RMDN2: variants seen among roughly 807,000 people sequenced by gnomAD.
The protein encoded by RMDN2 is regulator of microtubule dynamics 2.
In RMDN2, 61 loss-of-function variants were observed where a neutral mutation model predicts 52.8. The ratio of observed to expected loss-of-function variants is 1.16; its 90% CI spans 0.94 to 1.43. RMDN2 has a LOEUF of 1.43. Among genes scored for constraint, RMDN2 ranks in the 40% most tolerant of loss-of-function variants. The pLI, the probability that RMDN2 is intolerant of heterozygous loss-of-function variation, is 0.00. For missense variants in RMDN2, 592 were observed against 475.3 expected, an observed-to-expected ratio of 1.25 and a Z score of -2.28; for synonymous variants, 180 against 153.1, an observed-to-expected ratio of 1.18 and a Z score of -1.30.
intron 10 of RMDN2, among the ~76,000 whole-genome samples, chr2:38,041,161 G>A (rs1222974480): frequency 6.6e-6 from 1 of 152,012 alleles, no homozygotes; most frequent in African/African-American, 2.4e-5. Context: ...ATCTGACTCG[G>A]GATGTCAAGG....
At chr2:37,934,314 T>C (rs953900688) in intron 2 of RMDN2, among the ~76,000 whole-genome samples, 1 of 152,234 alleles carries the variant, frequency 6.6e-6, no homozygotes, top group Non-Finnish European at 1.5e-5. Context: ...TCTTGTATTC[T>C]GTCTCTTAGT....
intron 10 of RMDN2, among the ~76,000 whole-genome samples, chr2:38,011,751 A>G (rs1159215207): frequency 1.3e-5 from 2 of 152,240 alleles, no homozygotes; most frequent in Non-Finnish European, 2.9e-5. Flanking sequence ...AGACTTTGAA[A>G]GATCTGTATA....
intron 10 of RMDN2, among the ~76,000 whole-genome samples, chr2:38,038,458 C>G (rs747117013): frequency 9.2e-5 from 14 of 152,204 alleles, no homozygotes; most frequent in Non-Finnish European, 1.5e-4. Context: ...ATTGAGCAAG[C>G]TGTTTTCTGG....
intron 7 of RMDN2, among the ~76,000 whole-genome samples, chr2:37,991,691 C>A (rs764263023): frequency 6.6e-6 from 1 of 152,130 alleles, no homozygotes; most frequent in Non-Finnish European, 1.5e-5. Flanking sequence ...TGTCTAGGTA[C>A]ACTATTCACG....
At chr2:38,019,868 T>A (rs1057168198), downstream of RMDN2, among the ~76,000 whole-genome samples, 2 of 152,122 alleles carry the variant, frequency 1.3e-5, no homozygotes, top group Non-Finnish European at 2.9e-5. Context: ...AAGGCTGTGA[T>A]GAGCTGTAAT....
At chr2:37,967,147 G>A (rs1372187706) in intron 2 of RMDN2, among the ~76,000 whole-genome samples, 1 of 152,096 alleles carries the variant, frequency 6.6e-6, no homozygotes, top group Non-Finnish European at 1.5e-5. Context: ...AATGAATTTT[G>A]TTTGTGTCCT....
chr2:38,018,361 C>G (rs931292542), downstream of RMDN2, among the ~76,000 whole-genome samples: 1 of 152,028 alleles, frequency 6.6e-6, no homozygotes, highest in African/African-American at 2.4e-5. Context: ...TGGCACAAAC[C>G]TTTGGTAAAA....
chr2:38,005,675 T>G (rs1320867758), intron 10 of RMDN2, among the ~76,000 whole-genome samples: 1 of 152,250 alleles, frequency 6.6e-6, no homozygotes, highest in African/African-American at 2.4e-5. Flanking sequence ...TGTTGGTAGG[T>G]TCTTTTGCTG....
chr2:37,932,692 C>A (rs1302559792), intron 2 of RMDN2, among the ~76,000 whole-genome samples: 14 of 117,624 alleles, frequency 1.2e-4, no homozygotes, highest in Admixed American at 1.1e-3. Flanking sequence ...GGGGGGCTGA[C>A]CCCCCCCACC....
intron 10 of RMDN2, among the ~76,000 whole-genome samples, chr2:38,032,458 T>C (rs1680277518): frequency 6.6e-6 from 1 of 152,258 alleles, no homozygotes; most frequent in African/African-American, 2.4e-5. Flanking sequence ...TAGTATTGCA[T>C]AGCTTGAATA....
chr2:38,045,087 CTG>C (rs1681191014), intron 10 of RMDN2, among the ~76,000 whole-genome samples: 1 of 151,676 alleles, frequency 6.6e-6, no homozygotes, highest in South Asian at 2.1e-4. Context: ...TTATATAACT[CTG>C]TATGTTAATT....
chr2:37,998,415 A>G (rs997789306), intron 8 of RMDN2: 2 of 152,122 alleles, frequency 1.3e-5, no homozygotes, highest in African/African-American at 4.8e-5. Context: ...AGTCCCAGCT[A>G]CTCAGGAGAC....
chr2:38,036,236 A>G (rs2125281652), intron 10 of RMDN2: 1 of 152,338 alleles, frequency 6.6e-6, no homozygotes, highest in African/African-American at 2.4e-5. Flanking sequence ...GGTTCTGTGT[A>G]ATCTCGAGCA....
chr2:38,045,938 G>A (rs1017796177), intron 10 of RMDN2, among the ~76,000 whole-genome samples: 13 of 152,172 alleles, frequency 8.5e-5, no homozygotes, highest in Non-Finnish European at 7.3e-5. Context: ...CAACTAGCCC[G>A]AGGTTGTGAT....
At chr2:38,023,623 G>T (rs1679553294) in intron 10 of RMDN2, among the ~76,000 whole-genome samples, 1 of 152,072 alleles carries the variant, frequency 6.6e-6, no homozygotes, top group Non-Finnish European at 1.5e-5. Context: ...GTGGCCTGTT[G>T]ATTGGGAAAT....
intron 10 of RMDN2, among the ~76,000 whole-genome samples, chr2:38,061,000 T>C (rs1682022463): frequency 6.6e-6 from 1 of 152,184 alleles, no homozygotes; most frequent in African/African-American, 2.4e-5. Flanking sequence ...CATTAAGTGC[T>C]TAAAAGAATC....
At chr2:37,934,625 G>C (rs1667136078) in intron 2 of RMDN2, among the ~76,000 whole-genome samples, 1 of 152,070 alleles carries the variant, frequency 6.6e-6, no homozygotes, top group Admixed American at 6.6e-5. Flanking sequence ...CTTTCAGTAA[G>C]AATAGTATTC....
intron 2 of RMDN2, among the ~76,000 whole-genome samples, chr2:37,947,193 C>G (rs894850370): frequency 6.6e-6 from 1 of 152,050 alleles, no homozygotes; most frequent in African/African-American, 2.4e-5. Flanking sequence ...CATCCCTCAC[C>G]TCCTCCCACC....
chr2:38,063,874 G>A (rs1682157207), intron 10 of RMDN2, among the ~76,000 whole-genome samples: 1 of 152,098 alleles, frequency 6.6e-6, no homozygotes. Context: ...TAAAAATTTA[G>A]CCACTATGAT....
Sources: allele counts gnomAD v4.1 joint callset (sites outside exome capture counted in the v4.1 genomes callset), GRCh38; gene constraint gnomAD v4.1.1; transcripts MANE v1.5; gene names NCBI Gene and HGNC (gene_info 2026-07-23, HGNC 2026-07-21).